TANC1: variants seen among roughly 807,000 people sequenced by gnomAD.
TANC1 encodes the protein tetratricopeptide repeat, ankyrin repeat and coiled-coil containing 1.
A neutral mutation model predicts 149.7 loss-of-function variants in TANC1; 77 were observed. The observed-to-expected ratio is 0.51, with a 90% CI of 0.43 to 0.62. The LOEUF is 0.62. TANC1 is among the 20% of genes least tolerant of loss of function. The pLI is 0.00. For synonymous variants in TANC1, 854 were observed against 925.0 expected (o/e 0.92, Z 1.39); for missense variants, 1,985 against 2,321.8 (o/e 0.85, Z 2.98).
chr2:159,048,084 A>G (rs1340210774), intron 2 of TANC1, among the ~76,000 whole-genome samples: 1 of 152,160 alleles, frequency 6.6e-6, no homozygotes, highest in Non-Finnish European at 1.5e-5. Context: ...GTCCAGGCCC[A>G]GGGGCACAGG....
At chr2:158,981,332 G>A (rs1045291561) in intron 1 of TANC1, among the ~76,000 whole-genome samples, 1 of 151,164 alleles carries the variant, frequency 6.6e-6, no homozygotes, top group Admixed American at 6.6e-5. Context: ...GTTCAAGCCT[G>A]TATGTAGTCC....
At chr2:159,182,933 G>C (rs2056637647) in intron 14 of TANC1, among the ~76,000 whole-genome samples, 1 of 152,224 alleles carries the variant, frequency 6.6e-6, no homozygotes, top group South Asian at 2.1e-4. Context: ...CAAGGCTGTT[G>C]CAGACAGGAG....
intron 2 of TANC1, among the ~76,000 whole-genome samples, chr2:159,036,954 G>A (rs1183067168): frequency 2.0e-5 from 3 of 152,142 alleles, no homozygotes; most frequent in Admixed American, 1.3e-4. Context: ...CACAATGGTT[G>A]AACTAGTTTA....
At chr2:159,107,506 A>C (rs910078352) in intron 4 of TANC1, among the ~76,000 whole-genome samples, 2 of 152,048 alleles carry the variant, frequency 1.3e-5, no homozygotes, top group Admixed American at 1.3e-4. Flanking sequence ...ATCCATTTTG[A>C]GTTCATTTTC....
At chr2:159,204,551 C>T (rs967319009) in intron 19 of TANC1, among the ~76,000 whole-genome samples, 20 of 152,138 alleles carry the variant, frequency 1.3e-4, no homozygotes, top group African/African-American at 4.6e-4. Context: ...CTCTGGCAGT[C>T]GTCCTGCCCT....
At chr2:159,145,709 G>A (rs2150283615) in intron 5 of TANC1, among the ~76,000 whole-genome samples, 1 of 152,318 alleles carries the variant, frequency 6.6e-6, no homozygotes, top group African/African-American at 2.4e-5. Context: ...AGTGATTCAA[G>A]AACTTCCCTT....
Position 159,230,140 on chromosome 2 carries a change from G to C in TANC1, c.4714G>C (p.Ala1572Pro). ...AAGTCCCATGCCAGGGAGAATCGCT[G>C]CCACTCCTGCTGGGAGCAGAACCCA... ...PPSPMPGRIA[A>P]TPAGSRTQHL... The change falls in exon 27 of 27, where the codon GCC becomes CCC. Residue 1572 changes from alanine (A) to proline (P), a missense_variant. Around this residue, in one of 3 missense-constraint regions of TANC1, gnomAD observed 920 missense variants for 994.7 expected, o/e 0.92. Transcript: ENST00000263635. The surrounding 1 kb of genome is among the most constrained non-coding windows in gnomAD (Gnocchi z 4.4). 1.2e-6 allele frequency: 2 copies of C among 1,614,060 alleles called. No homozygotes were observed. The highest frequency in any genetic ancestry group is 1.7e-6 in the Non-Finnish European group (2 of 1,180,032).
intron 1 of TANC1, among the ~76,000 whole-genome samples, chr2:158,983,073 G>A (rs2034554981): frequency 6.6e-6 from 1 of 152,176 alleles, no homozygotes; most frequent in East Asian, 1.9e-4. Context: ...GGAGTTGGTT[G>A]CTTATATTAA....
rs2059979086 is a variant in TANC1 at position 159,225,655 on chromosome 2, T to C, written c.3812-33T>C. 4.4e-6 allele frequency: 7 copies of C among 1,585,418 alleles called. No individual in the cohort carries two copies. In the South Asian group the frequency reaches 5.5e-5, roughly 13 times the overall value. ...ATTGGGATCCTTTCCGCAGGGCCTC[T>C]GAAGTGCCTCTGAATGCGTGTTTGT... On this transcript the variant is annotated intron_variant, in intron 23 of 26. Transcript: ENST00000263635.
At chr2:159,161,123 T>C (rs895376783) in intron 7 of TANC1, among the ~76,000 whole-genome samples, 9 of 152,194 alleles carry the variant, frequency 5.9e-5, no homozygotes, top group African/African-American at 2.2e-4. Flanking sequence ...GAGGTCCTGA[T>C]TGCAGTGCTG....
chr2:159,164,656 G>A (rs2054391146), intron 8 of TANC1, among the ~76,000 whole-genome samples: 1 of 152,166 alleles, frequency 6.6e-6, no homozygotes, highest in Non-Finnish European at 1.5e-5. Flanking sequence ...TTCTACTACT[G>A]CAGGGACCCA....
rs2051578215 is a variant in TANC1 at position 159,143,073 on chromosome 2, A to AC, written c.365-6069_365-6068insC. Among the ~76,000 whole-genome samples, 4 of 82,286 alleles carry AC rather than the reference A, an allele frequency of 4.9e-5. 1 individual carries two copies. Among genetic ancestry groups the AC allele is most frequent in the African/African-American group, 7.5e-5 (2 of 26,634 alleles). 54.0% of individuals were successfully genotyped at this position (82,286 alleles called of 152,430 possible). A position where few individuals can be genotyped will look rare whatever the true frequency, so the allele number is the denominator to read the frequency against. ...GCGAGACTCTGTCTCAAAAAAAAAA[A>AC]AAAAACAACAAAACAAAACAAAAAA... On this transcript the variant is annotated intron_variant, in intron 5 of 26. Transcript: ENST00000263635.
intron 8 of TANC1, among the ~76,000 whole-genome samples, chr2:159,167,103 C>A (rs1246629311): frequency 6.6e-6 from 1 of 152,156 alleles, no homozygotes; most frequent in African/African-American, 2.4e-5. Flanking sequence ...AATTTATAAA[C>A]TGTTCTAAGG....
At position 159,219,282 on chromosome 2, in the gene TANC1, T is replaced by A. The variant is rs367854818; in HGVS notation, c.3423T>A (p.Ser1141Arg). The A allele has an allele frequency of 3.1e-6, 5 of 1,614,024 alleles. No individual in the cohort carries two copies. Among genetic ancestry groups the A allele is most frequent in the Non-Finnish European group, 4.2e-6 (5 of 1,180,026 alleles). The part of the protein sequence containing the change: ...LLERGCDVNL[S>R]DKQGRTPLMV... ...AACGCGGCTGTGATGTGAACCTAAG[T>A]GACAAGCAAGGCCGGACGCCCCTCA... is the stretch of plus-strand genomic sequence containing the variant. Residue 1141 changes from serine to arginine, a missense_variant, in exon 21 of 27, where the codon AGT (serine) becomes AGA (arginine). By Grantham distance (110) the Ser-to-Arg change is moderately radical. Coordinates refer to ENST00000263635, the MANE Select transcript of TANC1 (RefSeq NM_033394.3).
At chr2:159,092,109 C>T (rs2149866206) in intron 3 of TANC1, among the ~76,000 whole-genome samples, 1 of 152,314 alleles carries the variant, frequency 6.6e-6, no homozygotes, top group African/African-American at 2.4e-5. Context: ...GTTCCGTTTT[C>T]TGGAGCTGGA....
chr2:159,053,582 G>A, intron 2 of TANC1, among the ~76,000 whole-genome samples: 1 of 152,156 alleles, frequency 6.6e-6, no homozygotes, highest in East Asian at 1.9e-4. Context: ...TTATTAGACT[G>A]TATAAAATTG....
intron 22 of TANC1, among the ~76,000 whole-genome samples, chr2:159,223,436 G>T (rs902119860): frequency 2.6e-5 from 4 of 152,096 alleles, no homozygotes; most frequent in Non-Finnish European, 4.4e-5. Context: ...AGGTTATTTG[G>T]TTTTTGTAGT....
rs552342656 is a variant in TANC1 at position 159,040,105 on chromosome 2, A to G, written c.-15-25791A>G. Among the ~76,000 whole-genome samples the G allele has an allele frequency of 3.2e-4, 48 of 152,274 alleles. No individual in the cohort carries two copies. In the East Asian group the frequency reaches 7.7e-3, roughly 24 times the overall value. ...GTATTGATCCCTTTACCATTATGTA[A>G]TGGCCTTCGTTGTCTCTTTTGATCT... is the stretch of plus-strand genomic sequence containing the variant. On this transcript the variant is annotated intron_variant, in intron 2 of 26. Coordinates refer to ENST00000263635, the MANE Select transcript of TANC1 (RefSeq NM_033394.3).
At chr2:159,088,086 C>T (rs1258229626) in intron 3 of TANC1, among the ~76,000 whole-genome samples, 1 of 151,604 alleles carries the variant, frequency 6.6e-6, no homozygotes, top group Non-Finnish European at 1.5e-5. Flanking sequence ...CTTGGAGCCT[C>T]CAGAAATGTG....
Sources: gnomAD v4.1 joint callset for allele counts (sites outside exome capture counted in the v4.1 genomes callset) on GRCh38, gnomAD v4.1.1 for gene constraint, gnomAD v4.1.1 regional missense constraint, Gnocchi (gnomAD v3.1) non-coding constraint, MANE v1.5 for transcripts, NCBI Gene and HGNC (gene_info 2026-07-23, HGNC 2026-07-21) for gene names.